The following SLAIN2 variants were observed in gnomAD, a reference collection of about 807,000 sequenced individuals.
SLAIN2 encodes SLAIN family member 2.
SLAIN2 carries 31 observed loss-of-function variants against 56.6 expected under a neutral mutation model. The ratio of observed to expected loss-of-function variants is 0.55; its 90% CI spans 0.41 to 0.74. The LOEUF (loss-of-function observed/expected upper bound fraction) is 0.74, where lower values mean the gene tolerates loss of function less well. SLAIN2 is among the 30% of genes least tolerant of loss of function. SLAIN2 has a pLI of 0.00. For synonymous variants in SLAIN2, 317 were observed against 284.9 expected (o/e 1.11, Z -1.13); for missense variants, 777 against 754.2 (o/e 1.03, Z -0.35).
At chr4:48,365,276 C>T (rs1409598278) in intron 1 of SLAIN2, among the ~76,000 whole-genome samples, 1 of 151,500 alleles carries the variant, frequency 6.6e-6, no homozygotes, top group African/African-American at 2.4e-5. Context: ...TGTGACCAGC[C>T]TGGCCAACAT....
At chr4:48,379,045 TGAC>T (rs1450644535) in intron 3 of SLAIN2, among the ~76,000 whole-genome samples, 3 of 152,158 alleles carry the variant, frequency 2.0e-5, no homozygotes, top group African/African-American at 7.2e-5. Context: ...TAGTAAAAGT[TGAC>T]GATCTGATGA....
intron 1 of SLAIN2, among the ~76,000 whole-genome samples, chr4:48,343,820 C>T (rs1285413391): frequency 6.6e-6 from 1 of 152,122 alleles, no homozygotes; most frequent in African/African-American, 2.4e-5. Context: ...AATATTAGAG[C>T]TGACTGTGGT....
chr4:48,377,609 C>G (rs1056171087), intron 2 of SLAIN2, among the ~76,000 whole-genome samples: 4 of 152,092 alleles, frequency 2.6e-5, no homozygotes, highest in Admixed American at 2.0e-4. Context: ...AAAGAATAAA[C>G]TTTCCAACAT....
At position 48,383,745 on chromosome 4, in the gene SLAIN2, A is replaced by T. The variant is rs746945086; in HGVS notation, c.1321A>T (p.Asn441Tyr). The T allele has an allele frequency of 1.9e-6, 3 of 1,612,278 alleles. No homozygotes were observed. The highest frequency in any genetic ancestry group is 1.3e-5 in the African/African-American group (1 of 75,044). The change falls in exon 6 of 8, where the codon AAC (asparagine) becomes TAC (tyrosine). Residue 441 changes from asparagine to tyrosine, a missense_variant. Physicochemically the swap from Asn to Tyr is moderately radical, Grantham distance 143 (BLOSUM62 -2). Coordinates refer to ENST00000264313, the MANE Select transcript of SLAIN2 (RefSeq NM_020846.2). ...SRSDSNFQVPNGGIPRMQPQA... is the reference protein window; with the variant it reads ...SRSDSNFQVPYGGIPRMQPQA... ...AAGTGACTCAAATTTTCAAGTGCCA[A>T]ACGGAGGAATACCTCGTATGCAACC...
rs111512432 is a variant in SLAIN2 at position 48,382,602 on chromosome 4, G to A, written c.897G>A (p.Arg299=). Reference sequence around the variant, plus strand: ...AAGAATATGCAGCCACCACGTCTCGGCGCAGTTCTGGTTCATCTTGCAATT... The same window carrying A: ...AAGAATATGCAGCCACCACGTCTCGACGCAGTTCTGGTTCATCTTGCAATT... ...LRQEYAATTS[R]RSSGSSCNST... The change falls in exon 5 of 8, where the codon CGG becomes CGA. Residue 299 remains arginine (R), a synonymous_variant. Coordinates refer to ENST00000264313, the MANE Select transcript of SLAIN2 (RefSeq NM_020846.2). 6,452 of 1,602,018 alleles carry A rather than the reference G, an allele frequency of 4.0e-3. 232 individuals are homozygous for A. In the African/African-American group the frequency reaches 0.076, roughly 19 times the overall value.
At chr4:48,368,338 G>A (rs1715579644) in intron 1 of SLAIN2, among the ~76,000 whole-genome samples, 4 of 152,122 alleles carry the variant, frequency 2.6e-5, no homozygotes, top group Admixed American at 1.3e-4. Flanking sequence ...TGGGATTACA[G>A]GCATAAGCCA....
At chr4:48,353,080 G>C (rs1001216496) in intron 1 of SLAIN2, among the ~76,000 whole-genome samples, 1 of 152,138 alleles carries the variant, frequency 6.6e-6, no homozygotes, top group African/African-American at 2.4e-5. Flanking sequence ...CCCCAGCCTT[G>C]TGGAACTGTA....
chr4:48,355,306 G>A (rs897031525), intron 1 of SLAIN2, among the ~76,000 whole-genome samples: 3 of 152,174 alleles, frequency 2.0e-5, no homozygotes, highest in African/African-American at 7.2e-5. Context: ...GGAGGCATAA[G>A]GGATGATGTG....
chr4:48,399,701 T>G (rs1716496373), intron 6 of SLAIN2, among the ~76,000 whole-genome samples: 1 of 152,206 alleles, frequency 6.6e-6, no homozygotes, highest in South Asian at 2.1e-4. Context: ...TATTGAGAGT[T>G]TTTAACGTGA....
intron 2 of SLAIN2, among the ~76,000 whole-genome samples, chr4:48,376,369 C>T (rs115410709): frequency 2.7e-5 from 4 of 149,242 alleles, no homozygotes; most frequent in Admixed American, 1.3e-4. Context: ...GCACAAGAAT[C>T]GTTTGAGCCC....
At position 48,341,862 on chromosome 4, in the gene SLAIN2, C is replaced by T. The variant is rs2109726059; in HGVS notation, c.123C>T (p.Ala41=). 1 of 1,520,474 alleles carries T rather than the reference C, an allele frequency of 6.6e-7. No individual in the cohort carries two copies. Among genetic ancestry groups the T allele is most frequent in the Non-Finnish European group, 8.8e-7 (1 of 1,134,604 alleles). 94.2% of individuals were successfully genotyped at this position (1,520,474 alleles called of 1,614,324 possible). The part of the protein sequence containing the change: ...LRSRSGAVQG[A]GSLGPGSPVR... ...GCCGCTCGGGGGCCGTGCAGGGCGCCGGCTCCCTTGGGCCCGGCAGCCCGG... is the reference window on the plus strand; with the variant it reads ...GCCGCTCGGGGGCCGTGCAGGGCGCTGGCTCCCTTGGGCCCGGCAGCCCGG... Residue 41 remains alanine, a synonymous_variant, in exon 1 of 8, where the codon GCC becomes GCT. Coordinates refer to ENST00000264313, the MANE Select transcript of SLAIN2 (RefSeq NM_020846.2).
chr4:48,346,835 CTTTT>C (rs71191209), intron 1 of SLAIN2, among the ~76,000 whole-genome samples: 1 of 127,976 alleles, frequency 7.8e-6, no homozygotes, highest in African/African-American at 3.0e-5. Flanking sequence ...TTCTATTTCC[CTTTT>C]TTTTTTTTTT....
At chr4:48,405,189 A>G (rs2109779929) in intron 6 of SLAIN2, among the ~76,000 whole-genome samples, 1 of 152,312 alleles carries the variant, frequency 6.6e-6, no homozygotes, top group South Asian at 2.1e-4. Flanking sequence ...CGCCCTTACC[A>G]TCCATATCAG....
chr4:48,409,513 G>T (rs1716791262), intron 6 of SLAIN2, among the ~76,000 whole-genome samples: 1 of 152,112 alleles, frequency 6.6e-6, no homozygotes, highest in Admixed American at 6.5e-5. Flanking sequence ...ATATTCCATT[G>T]CGTGGATGCA....
chr4:48,353,326 T>C (rs1715061301), intron 1 of SLAIN2, among the ~76,000 whole-genome samples: 1 of 152,146 alleles, frequency 6.6e-6, no homozygotes, highest in Admixed American at 6.6e-5. Flanking sequence ...ATCAGACATT[T>C]ATTGAGTACC....
At chr4:48,420,862 C>T (rs904873975) in intron 7 of SLAIN2, among the ~76,000 whole-genome samples, 1 of 152,090 alleles carries the variant, frequency 6.6e-6, no homozygotes, top group African/African-American at 2.4e-5. Context: ...TTTTCAAACC[C>T]TTATTCTATA....
At position 48,426,159 on chromosome 4, in the gene SLAIN2, A is replaced by T. The variant is rs1256012165; in HGVS notation, c.*4082A>T. On this transcript the variant is annotated 3_prime_UTR_variant, in exon 8 of 8. Coordinates refer to ENST00000264313, the MANE Select transcript of SLAIN2 (RefSeq NM_020846.2). ...AGGGTAGAAGGTCTTTTTTTTTTTA[A>T]GGAGAAAATGTTTCTTTTAAATAAA... 1.4e-4 allele frequency: 22 copies of T among 151,760 alleles called. No homozygotes were observed. The highest frequency in any genetic ancestry group is 3.9e-4 in the African/African-American group (16 of 41,460). 9.4% of individuals were successfully genotyped at this position (151,760 alleles called of 1,614,324 possible).
intron 1 of SLAIN2, among the ~76,000 whole-genome samples, chr4:48,346,835 CTTTTTT>C (rs71191209): frequency 7.8e-6 from 1 of 128,006 alleles, no homozygotes; most frequent in African/African-American, 3.0e-5. Flanking sequence ...TTCTATTTCC[CTTTTTT>C]TTTTTTTTTT....
At chr4:48,420,077 A>T (rs752863011) in intron 6 of SLAIN2, 48 bp from the exon 7 acceptor site, 12 of 1,574,258 alleles carry the variant, frequency 7.6e-6, no homozygotes, top group African/African-American at 1.4e-5. Context: ...ATGGTTTCAT[A>T]TATACAGATT....
Sources: allele counts gnomAD v4.1 joint callset (sites outside exome capture counted in the v4.1 genomes callset), GRCh38; gene constraint gnomAD v4.1.1; transcripts MANE v1.5; gene names NCBI Gene and HGNC (gene_info 2026-07-23, HGNC 2026-07-21).